The following COP1 variants were observed in gnomAD, a reference collection of about 807,000 sequenced individuals.
COP1 encodes COP1 E3 ubiquitin ligase, also known as E3 ubiquitin-protein ligase COP1.
In COP1, 24 loss-of-function variants were observed where a neutral mutation model predicts 101.3. That is an observed-to-expected ratio of 0.24 (90% confidence interval 0.17 to 0.33). The LOEUF is 0.33. COP1 is among the 10% of genes least tolerant of loss of function. The pLI is 1.00. For synonymous variants in COP1, 347 were observed against 341.9 expected (o/e 1.01, Z -0.17); for missense variants, 663 against 906.2 (o/e 0.73, Z 3.45).
intron 5 of COP1, among the ~76,000 whole-genome samples, chr1:176,150,972 T>C (rs989994100): frequency 1.3e-5 from 2 of 151,998 alleles, no homozygotes; most frequent in African/African-American, 4.8e-5. Flanking sequence ...AAAAAAGAGA[T>C]AGTGGAAGAA....
chr1:176,040,402 T>C (rs1670309841), intron 14 of COP1, among the ~76,000 whole-genome samples: 1 of 151,962 alleles, frequency 6.6e-6, no homozygotes, highest in South Asian at 2.1e-4. Context: ...ACTGTAACCT[T>C]GAATTATTGG....
chr1:176,040,164 ATC>A (rs1178275636), intron 14 of COP1, among the ~76,000 whole-genome samples: 1 of 152,140 alleles, frequency 6.6e-6, no homozygotes, highest in Non-Finnish European at 1.5e-5. Flanking sequence ...AAATAAATAT[ATC>A]TATTGTAACA....
intron 9 of COP1, among the ~76,000 whole-genome samples, chr1:176,114,958 A>G (rs1476391665): frequency 6.6e-6 from 1 of 152,190 alleles, no homozygotes; most frequent in Non-Finnish European, 1.5e-5. Flanking sequence ...GTAAAGAAAC[A>G]TATGTGGGTA....
intron 5 of COP1, among the ~76,000 whole-genome samples, chr1:176,153,563 T>A (rs1027988905): frequency 6.6e-6 from 1 of 152,202 alleles, no homozygotes; most frequent in African/African-American, 2.4e-5. Flanking sequence ...CTCTTCCTAT[T>A]TGGATCCCCT....
intron 6 of COP1, among the ~76,000 whole-genome samples, chr1:176,138,611 A>G (rs1281546896): frequency 6.6e-6 from 1 of 152,120 alleles, no homozygotes; most frequent in Non-Finnish European, 1.5e-5. Flanking sequence ...AAAGCCCCAG[A>G]GTTTACAGGA....
intron 12 of COP1, 133 bp downstream of exon 12, chr1:176,046,048 C>G: frequency 1.5e-6 from 1 of 661,906 alleles, no homozygotes; most frequent in Non-Finnish European, 2.5e-6. Flanking sequence ...AATATATACT[C>G]TGTATACATA....
chr1:175,957,430 T>TATACA (rs1650794118), intron 18 of COP1, among the ~76,000 whole-genome samples: 1 of 152,232 alleles, frequency 6.6e-6, no homozygotes, highest in Admixed American at 6.5e-5. Flanking sequence ...CTGTACAAAT[T>TATACA]TGTAGCCTAG....
intron 8 of COP1, among the ~76,000 whole-genome samples, chr1:176,123,372 C>A (rs1687460734): frequency 6.6e-6 from 1 of 152,080 alleles, no homozygotes; most frequent in African/African-American, 2.4e-5. Flanking sequence ...GTCCTTATAC[C>A]TAAGCAAGTT....
chr1:176,206,747 C>G lies in COP1; in HGVS notation c.232G>C (p.Gly78Arg). The part of the protein sequence containing the change: ...VLVAPAVSGS[G>R]GGAVSTGLSR... ...AGGCCCGTGGACACCGCCCCGCCGC[C>G]GCTACCCGATACGGCGGGCGCCACC... The change falls in exon 1 of 20, where the codon GGC becomes CGC. Residue 78 changes from glycine to arginine, a missense_variant. Gly to Arg is a moderately radical substitution (Grantham distance 125). Coordinates refer to ENST00000367669, the MANE Select transcript of COP1 (RefSeq NM_022457.7). The G allele has an allele frequency of 6.5e-7, 1 of 1,540,260 alleles. No homozygotes were observed. Among genetic ancestry groups the G allele is most frequent in the Non-Finnish European group, 8.7e-7 (1 of 1,151,550 alleles).
chr1:176,160,012 A>G (rs903195072), intron 5 of COP1, among the ~76,000 whole-genome samples: 1 of 152,202 alleles, frequency 6.6e-6, no homozygotes, highest in Non-Finnish European at 1.5e-5. Context: ...ATAATAATGA[A>G]AAGTAAAACA....
intron 10 of COP1, among the ~76,000 whole-genome samples, chr1:176,083,072 T>C (rs1329618575): frequency 6.6e-6 from 1 of 152,152 alleles, no homozygotes; most frequent in East Asian, 1.9e-4. Context: ...TTCCACGTAT[T>C]ATAAATAAAA....
chr1:175,957,917 CA>C (rs1650881174), intron 18 of COP1, among the ~76,000 whole-genome samples: 1 of 151,912 alleles, frequency 6.6e-6, no homozygotes, highest in African/African-American at 2.4e-5. Flanking sequence ...GAGCCAGGTG[CA>C]AAAAATTACA....
At chr1:176,136,018 T>C (rs993913995) in intron 7 of COP1, among the ~76,000 whole-genome samples, 2 of 152,048 alleles carry the variant, frequency 1.3e-5, no homozygotes, top group African/African-American at 4.8e-5. Context: ...TAATACCCTA[T>C]AAGACTCCCA....
intron 15 of COP1, among the ~76,000 whole-genome samples, chr1:176,000,428 T>G (rs1024397440): frequency 6.6e-6 from 1 of 152,072 alleles, no homozygotes; most frequent in African/African-American, 2.4e-5. Context: ...ATACTTTTAT[T>G]TAACTGGGAG....
At chr1:176,128,613 T>G (rs1688415232) in intron 8 of COP1, among the ~76,000 whole-genome samples, 1 of 151,998 alleles carries the variant, frequency 6.6e-6, no homozygotes, top group African/African-American at 2.4e-5. Flanking sequence ...AACTCTCCAA[T>G]TTAAGTGTAC....
chr1:176,010,407 G>T (rs1420195778), intron 15 of COP1, among the ~76,000 whole-genome samples: 1 of 152,056 alleles, frequency 6.6e-6, no homozygotes, highest in African/African-American at 2.4e-5. Context: ...TTACTAGTGG[G>T]TCACTCATTG....
At chr1:176,099,120 T>G (rs1682928735) in intron 9 of COP1, among the ~76,000 whole-genome samples, 1 of 144,158 alleles carries the variant, frequency 6.9e-6, no homozygotes, top group South Asian at 2.3e-4. Context: ...CTTCTAACTG[T>G]AACTACCCTG....
intron 18 of COP1, among the ~76,000 whole-genome samples, chr1:175,960,366 G>A (rs1284919741): frequency 6.6e-6 from 1 of 152,156 alleles, no homozygotes; most frequent in African/African-American, 2.4e-5. Flanking sequence ...TAAGCTAACA[G>A]AACCATTTTT....
chr1:176,148,974 A>C, intron 6 of COP1, 32 bp downstream of exon 6: 1 of 1,369,054 alleles, frequency 7.3e-7, no homozygotes, highest in South Asian at 1.4e-5. Flanking sequence ...ATAGTAAATA[A>C]AACATTATGT....
Sources: allele counts gnomAD v4.1 joint callset (sites outside exome capture counted in the v4.1 genomes callset), GRCh38; gene constraint gnomAD v4.1.1; transcripts MANE v1.5; gene names NCBI Gene and HGNC (gene_info 2026-07-23, HGNC 2026-07-21).